The following OPCML variants were observed in gnomAD, a reference collection of about 807,000 sequenced individuals.
OPCML encodes opioid binding protein/cell adhesion molecule like.
OPCML carries 13 observed loss-of-function variants against 37.8 expected under a neutral mutation model. That is an observed-to-expected ratio of 0.34 (90% CI 0.22 to 0.55). The LOEUF (loss-of-function observed/expected upper bound fraction) is 0.55. Among genes scored for constraint, OPCML ranks in the 20% least tolerant of loss-of-function variants. OPCML has a pLI of 0.91. For missense variants in OPCML, 341 were observed against 435.6 expected (o/e 0.78, Z 1.93); for synonymous variants, 176 against 168.8 (o/e 1.04, Z -0.33).
At chr11:132,832,727 A>G (rs143929576) in intron 2 of OPCML, among the ~76,000 whole-genome samples, 58 of 152,358 alleles carry the variant, frequency 3.8e-4, no homozygotes, top group African/African-American at 1.3e-3. Flanking sequence ...TGTAGGCTCA[A>G]CAGAGTGTAC....
chr11:133,483,310 G>GATAGA (rs1565659150), intron 1 of OPCML, among the ~76,000 whole-genome samples: 143 of 81,148 alleles, frequency 1.8e-3, no homozygotes, highest in African/African-American at 0.013. Flanking sequence ...TGATAGATAG[G>GATAGA]CAGATAGATA....
At chr11:132,800,190 T>A (rs1292264475) in intron 2 of OPCML, among the ~76,000 whole-genome samples, 3 of 152,198 alleles carry the variant, frequency 2.0e-5, no homozygotes, top group Non-Finnish European at 2.9e-5. Flanking sequence ...TACATGAAAC[T>A]GCCTTTTAAA....
intron 1 of OPCML, among the ~76,000 whole-genome samples, chr11:133,120,603 G>A (rs529186238): frequency 6.6e-6 from 1 of 152,292 alleles, no homozygotes; most frequent in East Asian, 1.9e-4. Flanking sequence ...CCACCACCTA[G>A]GAAATCATAG....
At chr11:132,520,702 G>GTGTGTGTA (rs150655288) in intron 4 of OPCML, among the ~76,000 whole-genome samples, 2,001 of 149,674 alleles carry the variant, frequency 0.013, 31 homozygotes, top group African/African-American at 0.037. Flanking sequence ...GTGTGTGTGT[G>GTGTGTGTA]TATGCATATA....
intron 2 of OPCML, among the ~76,000 whole-genome samples, chr11:132,733,160 C>T (rs1456028101): frequency 6.6e-6 from 1 of 151,878 alleles, no homozygotes; most frequent in Non-Finnish European, 1.5e-5. Context: ...GAACATTTAA[C>T]AAAGATGGGT....
chr11:132,628,336 A>G (rs924358639), intron 3 of OPCML, among the ~76,000 whole-genome samples: 2 of 152,232 alleles, frequency 1.3e-5, no homozygotes, highest in Admixed American at 1.3e-4. Context: ...AACTGTATGA[A>G]AAAAGCATTT....
At chr11:133,244,135 T>G in intron 1 of OPCML, among the ~76,000 whole-genome samples, 1 of 152,188 alleles carries the variant, frequency 6.6e-6, no homozygotes, top group East Asian at 1.9e-4. Flanking sequence ...GCTAGCCCAT[T>G]AGAGCATGGG....
chr11:133,096,865 A>G (rs1949011379), intron 1 of OPCML, among the ~76,000 whole-genome samples: 1 of 152,248 alleles, frequency 6.6e-6, no homozygotes, highest in Non-Finnish European at 1.5e-5. Context: ...CTGTGTGTGC[A>G]CTTAACAACA....
At chr11:132,975,508 A>G in intron 1 of OPCML, among the ~76,000 whole-genome samples, 1 of 106,634 alleles carries the variant, frequency 9.4e-6, no homozygotes, top group African/African-American at 3.6e-5. Context: ...TCCAGCCTGG[A>G]TGTCCCATCC....
chr11:133,437,512 C>T lies in OPCML; in HGVS notation c.61+94752G>A, dbSNP rs141350051. Among the ~76,000 whole-genome samples the T allele has an allele frequency of 7.6e-3, 1,152 of 152,230 alleles. 18 individuals carry two copies. The highest frequency in any genetic ancestry group is 0.026 in the African/African-American group (1,099 of 41,548). The stretch of plus-strand genomic sequence containing the variant: ...GTCTGGTACACATTTCCTTCAGAGA[C>T]CTCTCACACCTCAGCCAACCGACTC... On this transcript the variant is annotated intron_variant, in intron 1 of 7. Transcript: ENST00000524381.
At chr11:133,439,225 G>A (rs1946306515) in intron 1 of OPCML, 1 of 938,436 alleles carries the variant, frequency 1.1e-6, no homozygotes, top group African/African-American at 1.8e-5. Flanking sequence ...TCCTATGCTA[G>A]CCCCAGGCAG....
intron 3 of OPCML, among the ~76,000 whole-genome samples, chr11:132,606,773 G>A (rs1294374913): frequency 2.0e-5 from 3 of 152,134 alleles, no homozygotes; most frequent in Non-Finnish European, 4.4e-5. Flanking sequence ...GAACTAGAAT[G>A]AAGAAAAAAT....
chr11:132,568,041 T>TGC (rs146409077), intron 3 of OPCML, among the ~76,000 whole-genome samples: 11 of 150,398 alleles, frequency 7.3e-5, no homozygotes, highest in South Asian at 2.1e-4. Context: ...TGTGTGTGTG[T>TGC]GCGCGCGCGC....
At chr11:133,359,470 A>G (rs1359083489) in intron 1 of OPCML, among the ~76,000 whole-genome samples, 1 of 152,240 alleles carries the variant, frequency 6.6e-6, no homozygotes. Flanking sequence ...TTTATTTAGC[A>G]TCTACTATGT....
chr11:133,454,878 C>G (rs1946645452), intron 1 of OPCML, among the ~76,000 whole-genome samples: 2 of 152,080 alleles, frequency 1.3e-5, no homozygotes, highest in South Asian at 4.2e-4. Flanking sequence ...ACAGAGTGGT[C>G]CAGAGTTGGA....
chr11:132,961,593 T>G (rs1334412743), intron 1 of OPCML, among the ~76,000 whole-genome samples: 2 of 152,208 alleles, frequency 1.3e-5, no homozygotes, highest in Non-Finnish European at 2.9e-5. Flanking sequence ...TAAATATAAA[T>G]AGGCCCACAG....
chr11:133,278,628 T>A (rs1270870966), intron 1 of OPCML, among the ~76,000 whole-genome samples: 1 of 152,072 alleles, frequency 6.6e-6, no homozygotes, highest in Non-Finnish European at 1.5e-5. Context: ...TACTACTAGA[T>A]GTGTGAGTTT....
chr11:133,326,937 C>T (rs183238336), intron 1 of OPCML, among the ~76,000 whole-genome samples: 2 of 45,390 alleles, frequency 4.4e-5, no homozygotes, highest in Admixed American at 2.8e-4. Context: ...GTGTGTGGGG[C>T]GTGGGTGGGG....
chr11:132,977,371 G>A (rs1946487208), intron 1 of OPCML, among the ~76,000 whole-genome samples: 1 of 152,158 alleles, frequency 6.6e-6, no homozygotes, highest in African/African-American at 2.4e-5. Context: ...ATTCTCAACT[G>A]TGTCAATAAC....
Sources: gnomAD v4.1 joint callset for allele counts (sites outside exome capture counted in the v4.1 genomes callset) on GRCh38, gnomAD v4.1.1 for gene constraint, MANE v1.5 for transcripts, NCBI Gene and HGNC (gene_info 2026-07-23, HGNC 2026-07-21) for gene names.